Variants in MAGI1 observed in about 807,000 individuals in gnomAD.
MAGI1 encodes membrane-associated guanylate kinase, WW and PDZ domain-containing protein 1.
MAGI1 carries 58 observed loss-of-function variants against 139.9 expected under a neutral mutation model. The observed-to-expected ratio is 0.41, with a 90% CI of 0.34 to 0.52. The LOEUF is 0.52. Ranked by LOEUF, MAGI1 falls within the 20% of genes least tolerant of loss-of-function variation. The pLI, the probability that MAGI1 is intolerant of heterozygous loss-of-function variation, is 0.12. For synonymous variants in MAGI1, 812 were observed against 737.9 expected (o/e 1.10, Z -1.63); for missense variants, 1,874 against 1,901.6 (o/e 0.99, Z 0.27).
intron 1 of MAGI1, among the ~76,000 whole-genome samples, chr3:65,976,826 C>T (rs1468332401): frequency 1.3e-5 from 2 of 152,124 alleles, no homozygotes; most frequent in Non-Finnish European, 2.9e-5. Context: ...GCAGTGTCAT[C>T]GTAAATTAGC....
intron 2 of MAGI1, among the ~76,000 whole-genome samples, chr3:65,547,728 T>C (rs919978169): frequency 6.6e-6 from 1 of 152,162 alleles, no homozygotes; most frequent in African/African-American, 2.4e-5. Flanking sequence ...GCTGAGTGTA[T>C]TGAAGAGGAA....
At chr3:65,897,816 T>TA (rs1432488445) in intron 1 of MAGI1, among the ~76,000 whole-genome samples, 5 of 149,372 alleles carry the variant, frequency 3.3e-5, no homozygotes, top group Non-Finnish European at 5.9e-5. Flanking sequence ...TGAGCTATGA[T>TA]AGCACCACCG....
At chr3:65,824,732 G>C (rs568590714) in intron 1 of MAGI1, among the ~76,000 whole-genome samples, 54 of 152,124 alleles carry the variant, frequency 3.5e-4, no homozygotes, top group Non-Finnish European at 6.8e-4. Flanking sequence ...GAGCTTGGGG[G>C]TTTTACCCAG....
intron 1 of MAGI1, among the ~76,000 whole-genome samples, chr3:65,907,966 T>C (rs2061504174): frequency 6.6e-6 from 1 of 152,164 alleles, no homozygotes; most frequent in African/African-American, 2.4e-5. Context: ...TCTGTTTCAC[T>C]TTCTCTCTAG....
intron 2 of MAGI1, among the ~76,000 whole-genome samples, chr3:65,552,636 C>T (rs1348265187): frequency 2.6e-5 from 4 of 152,132 alleles, no homozygotes; most frequent in Admixed American, 2.6e-4. Context: ...TTGTCTGTCT[C>T]CACTCATATA....
chr3:65,887,564 C>A (rs932794072), intron 1 of MAGI1, among the ~76,000 whole-genome samples: 8 of 151,882 alleles, frequency 5.3e-5, no homozygotes, highest in Non-Finnish European at 7.4e-5. Context: ...AACTTCCTTA[C>A]CTTTACCAAA....
At chr3:65,973,765 G>A (rs993063415) in intron 1 of MAGI1, among the ~76,000 whole-genome samples, 2 of 152,204 alleles carry the variant, frequency 1.3e-5, no homozygotes, top group Admixed American at 6.5e-5. Flanking sequence ...TTAGCACAGA[G>A]TATGGCATAG....
chr3:66,023,901 G>C (rs1043162365), intron 1 of MAGI1, among the ~76,000 whole-genome samples: 1 of 152,004 alleles, frequency 6.6e-6, no homozygotes, highest in African/African-American at 2.4e-5. Flanking sequence ...CAGGGCCCTG[G>C]GACAAAATAT....
rs145276101 is a variant in MAGI1, at chr3:65,588,753, T to C, written c.430+33219A>G. Among the ~76,000 whole-genome samples, 92 of 152,320 alleles carry C rather than the reference T, an allele frequency of 6.0e-4. No individual in the cohort carries two copies. The East Asian group carries it at 0.011, about 18-fold the overall frequency. On this transcript the variant is annotated intron_variant, in intron 2 of 22. Coordinates refer to ENST00000402939, the MANE Select transcript of MAGI1 (RefSeq NM_001033057.2). Reference sequence around the variant, plus strand: ...CAAGGGAAAGAAGTGTTAATTATTGTACCCTTGGTACCTTGCAGAGTGCTT... The same window carrying C: ...CAAGGGAAAGAAGTGTTAATTATTGCACCCTTGGTACCTTGCAGAGTGCTT...
At chr3:65,817,048 T>A (rs2041650484) in intron 1 of MAGI1, among the ~76,000 whole-genome samples, 1 of 152,228 alleles carries the variant, frequency 6.6e-6, no homozygotes, top group Admixed American at 6.5e-5. Context: ...AAATTGCAAT[T>A]CATAAAAATT....
At chr3:65,714,932 C>T (rs1462880220) in intron 1 of MAGI1, among the ~76,000 whole-genome samples, 6 of 151,850 alleles carry the variant, frequency 4.0e-5, no homozygotes, top group Admixed American at 1.3e-4. Context: ...TTGCTCTCCC[C>T]GAAACTCAGA....
At chr3:65,820,264 A>G (rs1439940344) in intron 1 of MAGI1, among the ~76,000 whole-genome samples, 2 of 152,184 alleles carry the variant, frequency 1.3e-5, no homozygotes, top group African/African-American at 4.8e-5. Context: ...ATTATCAGGG[A>G]GATCCTCAGA....
intron 1 of MAGI1, among the ~76,000 whole-genome samples, chr3:65,701,001 G>A (rs1331702297): frequency 2.0e-5 from 3 of 151,984 alleles, no homozygotes; most frequent in East Asian, 3.8e-4. Flanking sequence ...AACACAATGC[G>A]GCCACCATCA....
rs758948172 is a variant in MAGI1, at chr3:65,429,588, T to C, written c.2099A>G (p.Asn700Ser). ...CTCAACCAGCATATCCACCACTTGG[T>C]TGTGAGTTAGGGCCTGCACGTTCTT... ...NKKNVQALTH[N>S]QVVDMLVECP... Residue 700 changes from asparagine (N) to serine (S), a missense_variant, in exon 12 of 23, where the codon AAC becomes AGC. Coordinates refer to ENST00000402939, the MANE Select transcript of MAGI1 (RefSeq NM_001033057.2). 18 of 1,613,950 alleles carry C rather than the reference T, an allele frequency of 1.1e-5. No individual in the cohort carries two copies. Among genetic ancestry groups the C allele is most frequent in the Non-Finnish European group, 1.5e-5 (18 of 1,179,918 alleles).
intron 2 of MAGI1, among the ~76,000 whole-genome samples, chr3:65,520,206 C>T (rs2078090786): frequency 6.6e-6 from 1 of 152,156 alleles, no homozygotes; most frequent in Admixed American, 6.5e-5. Flanking sequence ...AAAATAAATG[C>T]TTATTATTTT....
At chr3:65,815,472 G>C (rs1481171239) in intron 1 of MAGI1, among the ~76,000 whole-genome samples, 6 of 151,836 alleles carry the variant, frequency 4.0e-5, no homozygotes. Context: ...CCCTCCCCCA[G>C]CTCACTTGAA....
chr3:65,854,430 G>T (rs1401293455), intron 1 of MAGI1, among the ~76,000 whole-genome samples: 1 of 152,162 alleles, frequency 6.6e-6, no homozygotes, highest in Non-Finnish European at 1.5e-5. Context: ...AAGAATAGGT[G>T]CATGAGGCAA....
At chr3:65,496,335 C>G (rs1415875253) in intron 2 of MAGI1, among the ~76,000 whole-genome samples, 1 of 152,060 alleles carries the variant, frequency 6.6e-6, no homozygotes, top group Admixed American at 6.6e-5. Flanking sequence ...AGCCACCACA[C>G]TCAGCTTGGT....
At chr3:65,905,405 C>A (rs753274640) in intron 1 of MAGI1, among the ~76,000 whole-genome samples, 3 of 148,912 alleles carry the variant, frequency 2.0e-5, no homozygotes, top group Non-Finnish European at 4.4e-5. Context: ...CCTAGTGAGA[C>A]CTCATCTCTA....
Sources: gnomAD v4.1 joint callset for allele counts (sites outside exome capture counted in the v4.1 genomes callset) on GRCh38, gnomAD v4.1.1 for gene constraint, MANE v1.5 for transcripts, NCBI Gene and HGNC (gene_info 2026-07-23, HGNC 2026-07-21) for gene names.